The following SV2B variants were observed in gnomAD, a reference collection of about 807,000 sequenced individuals.
SV2B encodes solute carrier family 22 member B2.
In SV2B, 41 loss-of-function variants were observed where a neutral mutation model predicts 73.9. The observed-to-expected ratio is 0.56, with a 90% confidence interval of 0.43 to 0.72. SV2B has a LOEUF of 0.72. SV2B is among the 30% of genes least tolerant of loss of function. The pLI, the probability that SV2B is intolerant of heterozygous loss-of-function variation, is 0.00. For synonymous variants in SV2B, 314 were observed against 314.2 expected (o/e 1.00, Z 0.01); for missense variants, 764 against 857.8 (o/e 0.89, Z 1.37).
chr15:91,116,918 T>G (rs2042196952), intron 1 of SV2B, among the ~76,000 whole-genome samples: 1 of 152,174 alleles, frequency 6.6e-6, no homozygotes, highest in Admixed American at 6.5e-5. Flanking sequence ...AAAACCATCA[T>G]CTTGTGAGAC....
intron 1 of SV2B, among the ~76,000 whole-genome samples, chr15:91,185,459 G>A (rs2044734410): frequency 1.3e-5 from 2 of 152,138 alleles, no homozygotes; most frequent in East Asian, 3.8e-4. Flanking sequence ...GTATCCCGCT[G>A]TCTCCATCAC....
chr15:91,173,445 A>G (rs2044194541), intron 1 of SV2B, among the ~76,000 whole-genome samples: 1 of 152,140 alleles, frequency 6.6e-6, no homozygotes, highest in Non-Finnish European at 1.5e-5. Context: ...AGTTCTAGTT[A>G]AAGCCAAACC....
chr15:91,299,005 C>A lies in SV2B; in HGVS notation c.*6453C>A, dbSNP rs1485055685. ...CCTATAAAAATAGCTTTCCAATTCGCCACCAAAAATGCAAAAATGACAAGT... is the reference window on the plus strand; with the variant it reads ...CCTATAAAAATAGCTTTCCAATTCGACACCAAAAATGCAAAAATGACAAGT... On this transcript the variant is annotated 3_prime_UTR_variant, in exon 13 of 13. Transcript: ENST00000394232. 1 of 152,052 alleles carries A rather than the reference C, an allele frequency of 6.6e-6. No individual in the cohort carries two copies. Among genetic ancestry groups the A allele is most frequent in the Non-Finnish European group, 1.5e-5 (1 of 68,002 alleles). 9.4% of individuals were successfully genotyped at this position (152,052 alleles called of 1,614,324 possible). A position where few individuals can be genotyped will look rare whatever the true frequency, so the allele number is the denominator to read the frequency against.
intron 1 of SV2B, among the ~76,000 whole-genome samples, chr15:91,194,779 T>C (rs1296298967): frequency 2.0e-5 from 3 of 152,200 alleles, no homozygotes; most frequent in Non-Finnish European, 4.4e-5. Flanking sequence ...GCTGTACTAC[T>C]TGATGTCCCC....
intron 1 of SV2B, among the ~76,000 whole-genome samples, chr15:91,149,270 G>T (rs1366536679): frequency 1.3e-5 from 2 of 152,236 alleles, no homozygotes; most frequent in African/African-American, 2.4e-5. Flanking sequence ...GAAGTCTGAA[G>T]GTTGCTCTTT....
Position 91,292,693 on chromosome 15 carries a change from C to T in SV2B, c.*141C>T, listed in dbSNP as rs1036137789. ...TGACTTTGTGACCCCTAGTTTAGGA[C>T]CCACTTCAGCTGTCAATATGTTTGT... On this transcript the variant is annotated 3_prime_UTR_variant, in exon 13 of 13. Transcript: ENST00000394232. The T allele has an allele frequency of 2.8e-5, 28 of 1,012,250 alleles. No homozygotes were observed. Among genetic ancestry groups the T allele is most frequent in the Non-Finnish European group, 3.9e-5 (28 of 717,822 alleles). 62.7% of individuals were successfully genotyped at this position (1,012,250 alleles called of 1,614,324 possible).
At chr15:91,202,211 C>T (rs1035461410) in intron 1 of SV2B, among the ~76,000 whole-genome samples, 4 of 152,170 alleles carry the variant, frequency 2.6e-5, no homozygotes, top group Admixed American at 2.6e-4. Context: ...ATGAGATATG[C>T]ATTTACTTGT....
At chr15:91,188,471 G>T (rs1022344552) in intron 1 of SV2B, among the ~76,000 whole-genome samples, 2 of 151,836 alleles carry the variant, frequency 1.3e-5, no homozygotes, top group Non-Finnish European at 2.9e-5. Context: ...CTGCCACCAC[G>T]CCTGGCTAAT....
In SV2B at chr15:91,284,856, T is replaced by C. The variant is rs1257539199; in HGVS notation, c.1708+635T>C. On this transcript the variant is annotated intron_variant, in intron 11 of 12. Coordinates refer to ENST00000394232, the MANE Select transcript of SV2B (RefSeq NM_001323032.3). This position sits in a 1 kb window ranked among gnomAD's most constrained non-coding sequence, Gnocchi z 4.5. ...ATGGTAGCTATATTCATGTATGCCT[T>C]GCCTCATTCCATCGGGACTTGCAGC... 6.6e-6 allele frequency among the ~76,000 whole-genome samples: 1 copy of C among 152,208 alleles called. No individual in the cohort carries two copies. The highest frequency in any genetic ancestry group is 2.4e-5 in the African/African-American group (1 of 41,446).
chr15:91,260,185 A>G (rs1400113336), intron 5 of SV2B, 135 bp from the exon 6 acceptor site: 31 of 682,138 alleles, frequency 4.5e-5, no homozygotes, highest in Non-Finnish European at 6.7e-5. Flanking sequence ...TAATGAGTCC[A>G]TGTGCAATTG....
At chr15:91,256,229 T>C (rs150925661) in intron 4 of SV2B, among the ~76,000 whole-genome samples, 70 of 152,310 alleles carry the variant, frequency 4.6e-4, no homozygotes, top group African/African-American at 1.6e-3. Context: ...TTCCTCCAAA[T>C]TAATATTGTT....
Position 91,265,133 on chromosome 15 carries a change from G to A in SV2B, c.1009-1449G>A, listed in dbSNP as rs2048056281. On this transcript the variant is annotated intron_variant, in intron 6 of 12. Transcript: ENST00000394232. The surrounding 1 kb of genome is among the most constrained non-coding windows in gnomAD (Gnocchi z 4.2). ...TGAAGGTGTTACCTGTTTTACTCCT[G>A]TGCGTGTCCCATCAGCAGACGTGCT... is the stretch of plus-strand genomic sequence containing the variant. 6.6e-6 allele frequency among the ~76,000 whole-genome samples: 1 copy of A among 152,200 alleles called. No individual in the cohort carries two copies. The highest frequency in any genetic ancestry group is 1.5e-5 in the Non-Finnish European group (1 of 68,038).
chr15:91,218,479 T>C (rs750902356), intron 1 of SV2B, among the ~76,000 whole-genome samples: 2 of 152,162 alleles, frequency 1.3e-5, no homozygotes, highest in Non-Finnish European at 2.9e-5. Flanking sequence ...GTGCCAAATT[T>C]TGGGGGAGTG....
intron 11 of SV2B, among the ~76,000 whole-genome samples, chr15:91,285,725 C>G (rs1427349696): frequency 6.6e-6 from 1 of 152,164 alleles, no homozygotes; most frequent in African/African-American, 2.4e-5. Context: ...CCTTATGAGT[C>G]CCAGAGTTTA....
At chr15:91,142,647 A>G (rs867074921) in intron 1 of SV2B, among the ~76,000 whole-genome samples, 2 of 152,246 alleles carry the variant, frequency 1.3e-5, no homozygotes, top group African/African-American at 4.8e-5. Context: ...GCCCTATTCT[A>G]TTAGTTTTAT....
chr15:91,183,444 A>T (rs955411415), intron 1 of SV2B, among the ~76,000 whole-genome samples: 8 of 152,242 alleles, frequency 5.3e-5, no homozygotes, highest in African/African-American at 1.4e-4. Context: ...AACTGTCTAG[A>T]TAACTGGTTC....
At chr15:91,125,781 C>CAAAAAAAAAAAAAAAAAA (rs200016125) in intron 1 of SV2B, among the ~76,000 whole-genome samples, 3,879 of 55,650 alleles carry the variant, frequency 0.07, 589 homozygotes, top group Non-Finnish European at 0.11. Context: ...TCTCAAGGGG[C>CAAAAAAAAAAAAAAAAAA]AAAAAAAAAA....
Position 91,294,729 on chromosome 15 carries a change from T to C in SV2B, c.*2177T>C, listed in dbSNP as rs1202867575. On this transcript the variant is annotated 3_prime_UTR_variant, in exon 13 of 13. Coordinates refer to ENST00000394232, the MANE Select transcript of SV2B (RefSeq NM_001323032.3). This position sits in a 1 kb window ranked among gnomAD's most constrained non-coding sequence, Gnocchi z 4.1. The stretch of plus-strand genomic sequence containing the variant: ...CTGCATTTCTAGTTAAGATGGATCT[T>C]GTAAATTTAAAATTGGATTAACATT... 1 of 152,246 alleles carries C rather than the reference T, an allele frequency of 6.6e-6. No homozygotes were observed. The highest frequency in any genetic ancestry group is 6.5e-5 in the Admixed American group (1 of 15,282). 9.4% of individuals were successfully genotyped at this position (152,246 alleles called of 1,614,324 possible).
In SV2B at chr15:91,295,775, A is replaced by G. The variant is rs576907494; in HGVS notation, c.*3223A>G. ...TAAAAAGATTAGTATTTATCCATCC[A>G]TTTATTCATTCAGCAAATCCTTATT... On this transcript the variant is annotated 3_prime_UTR_variant, in exon 13 of 13. Coordinates refer to ENST00000394232, the MANE Select transcript of SV2B (RefSeq NM_001323032.3). 6.6e-6 allele frequency: 1 copy of G among 152,264 alleles called. No homozygotes were observed. The highest frequency in any genetic ancestry group is 2.4e-5 in the African/African-American group (1 of 41,548). 9.4% of individuals were successfully genotyped at this position (152,264 alleles called of 1,614,324 possible).
Sources: gnomAD v4.1 joint callset for allele counts (sites outside exome capture counted in the v4.1 genomes callset) on GRCh38, gnomAD v4.1.1 for gene constraint, Gnocchi (gnomAD v3.1) non-coding constraint, MANE v1.5 for transcripts, NCBI Gene and HGNC (gene_info 2026-07-23, HGNC 2026-07-21) for gene names.